Variants in TRPC4AP observed in about 807,000 individuals in gnomAD.
TRPC4AP encodes transient receptor potential cation channel subfamily C member 4 associated protein.
A neutral mutation model predicts 99.0 loss-of-function variants in TRPC4AP; 45 were observed. The ratio of observed to expected loss-of-function variants is 0.45; its 90% CI spans 0.36 to 0.58. The LOEUF (loss-of-function observed/expected upper bound fraction) is 0.58, where lower values mean the gene tolerates loss of function less well. Among genes scored for constraint, TRPC4AP ranks in the 20% least tolerant of loss-of-function variants. The pLI is 0.00. For synonymous variants in TRPC4AP, 408 were observed against 385.8 expected (o/e 1.06, Z -0.67); for missense variants, 879 against 985.3 (o/e 0.89, Z 1.44).
intron 1 of TRPC4AP, among the ~76,000 whole-genome samples, chr20:35,090,394 T>TTTTTTTTG (rs2085022414): frequency 6.8e-6 from 1 of 147,298 alleles, no homozygotes; most frequent in African/African-American, 2.5e-5. Context: ...TTTTTTTTTT[T>TTTTTTTTG]GAGATGAAGT....
chr20:35,034,369 G>A (rs1046900171), intron 8 of TRPC4AP, among the ~76,000 whole-genome samples: 1 of 151,910 alleles, frequency 6.6e-6, no homozygotes, highest in South Asian at 2.1e-4. Context: ...GAGCAAGCTA[G>A]GGCAAAGGTG....
At chr20:35,089,617 A>G (rs1244034764) in intron 1 of TRPC4AP, among the ~76,000 whole-genome samples, 1 of 152,080 alleles carries the variant, frequency 6.6e-6, no homozygotes, top group Non-Finnish European at 1.5e-5. Flanking sequence ...TTGGGAGGAC[A>G]AGGCAGGGGG....
intron 9 of TRPC4AP, among the ~76,000 whole-genome samples, chr20:35,017,295 C>T (rs10485508): frequency 0.081 from 12,253 of 152,140 alleles, 579 homozygotes; most frequent in South Asian, 0.13. Context: ...GAATACAATT[C>T]GCCTTTGTAA....
At chr20:35,039,132 A>G (rs939288010) in intron 7 of TRPC4AP, among the ~76,000 whole-genome samples, 1 of 152,180 alleles carries the variant, frequency 6.6e-6, no homozygotes, top group Non-Finnish European at 1.5e-5. Context: ...TTCTACATGA[A>G]AATCTTCACA....
intron 9 of TRPC4AP, among the ~76,000 whole-genome samples, chr20:35,016,920 G>A (rs558496104): frequency 3.3e-4 from 51 of 152,318 alleles, no homozygotes; most frequent in Middle Eastern, 3.4e-3. Flanking sequence ...GGTGACTTGG[G>A]CATTGGGTAC....
At chr20:35,005,864 G>C in intron 15 of TRPC4AP, 61 bp from the exon 16 acceptor site, 1 of 1,492,340 alleles carries the variant, frequency 6.7e-7, no homozygotes, top group Non-Finnish European at 9.3e-7. Flanking sequence ...GCCATGGCCC[G>C]GGGGGATAGT....
At chr20:35,083,646 T>C (rs111735167) in intron 1 of TRPC4AP, among the ~76,000 whole-genome samples, 1 of 151,344 alleles carries the variant, frequency 6.6e-6, no homozygotes, top group Non-Finnish European at 1.5e-5. Context: ...AACTTCCAAT[T>C]TATACTTCTA....
Position 35,005,719 on chromosome 20 carries a change from A to G in TRPC4AP, c.1912T>C (p.Phe638Leu), listed in dbSNP as rs778852025. 5.0e-6 allele frequency: 8 copies of G among 1,613,984 alleles called. No individual in the cohort carries two copies. Among genetic ancestry groups the G allele is most frequent in the Non-Finnish European group, 6.8e-6 (8 of 1,179,976 alleles). The part of the protein sequence containing the change: ...VRCVTLSLDR[F>L]ENQVDMKVAE... ...CCTTTCATATCCACCTGGTTTTCAA[A>G]TCGGTCCAGGGACAGAGTGACACAG... is the stretch of plus-strand genomic sequence containing the variant. Residue 638 changes from phenylalanine (F) to leucine (L), a missense_variant, in exon 16 of 19, where the codon TTT (phenylalanine) becomes CTT (leucine). Phe to Leu is a conservative substitution (Grantham distance 22). Coordinates refer to ENST00000252015, the MANE Select transcript of TRPC4AP (RefSeq NM_015638.3).
intron 6 of TRPC4AP, among the ~76,000 whole-genome samples, chr20:35,046,716 T>A (rs1215302611): frequency 2.6e-5 from 4 of 152,152 alleles, no homozygotes; most frequent in Admixed American, 2.6e-4. Context: ...TCCTTTTCCC[T>A]AGTACAAAAC....
chr20:35,044,415 A>AAT, intron 7 of TRPC4AP, 90 bp downstream of exon 7: 1 of 1,210,140 alleles, frequency 8.3e-7, no homozygotes, highest in Non-Finnish European at 1.2e-6. Context: ...AAAAAAAAAA[A>AAT]GAAAAGAAAA....
chr20:35,036,584 C>T (rs1054250000), intron 7 of TRPC4AP, among the ~76,000 whole-genome samples: 2 of 152,042 alleles, frequency 1.3e-5, no homozygotes, highest in African/African-American at 4.8e-5. Context: ...TGAAATTATA[C>T]GATGTCTGGG....
chr20:35,084,623 T>C (rs1600668623), intron 1 of TRPC4AP, among the ~76,000 whole-genome samples: 1 of 120,294 alleles, frequency 8.3e-6, no homozygotes, highest in East Asian at 2.3e-4. Context: ...TATGTTTATA[T>C]GCATATATGT....
At chr20:35,071,966 T>C (rs2084329117) in intron 2 of TRPC4AP, among the ~76,000 whole-genome samples, 1 of 152,264 alleles carries the variant, frequency 6.6e-6, no homozygotes, top group Admixed American at 6.5e-5. Context: ...GACTTTTTAA[T>C]AATCGCCATT....
chr20:35,076,645 C>T (rs1025757080), intron 2 of TRPC4AP, among the ~76,000 whole-genome samples: 1 of 152,116 alleles, frequency 6.6e-6, no homozygotes. Context: ...AGAGGGGCAC[C>T]CGGCTGTATG....
At chr20:35,021,455 C>T (rs1286382124) in intron 8 of TRPC4AP, 99 bp from the exon 9 acceptor site, 62 of 1,371,478 alleles carry the variant, frequency 4.5e-5, no homozygotes, top group Non-Finnish European at 6.0e-5. Flanking sequence ...CATGGCCATT[C>T]GGCTGGGCCA....
At chr20:35,018,544 C>T (rs1012866722) in intron 9 of TRPC4AP, among the ~76,000 whole-genome samples, 2 of 142,478 alleles carry the variant, frequency 1.4e-5, no homozygotes, top group Non-Finnish European at 3.0e-5. Flanking sequence ...TGCAGTGAGC[C>T]GAGGTCATGT....
At chr20:35,068,487 G>C (rs574529761) in intron 3 of TRPC4AP, among the ~76,000 whole-genome samples, 1 of 152,204 alleles carries the variant, frequency 6.6e-6, no homozygotes, top group Non-Finnish European at 1.5e-5. Flanking sequence ...AGTCAACTGG[G>C]GCCTGGGTAA....
intron 10 of TRPC4AP, among the ~76,000 whole-genome samples, chr20:35,015,591 G>C (rs2082735824): frequency 6.6e-6 from 1 of 150,786 alleles, no homozygotes; most frequent in Admixed American, 6.7e-5. Flanking sequence ...GCCTCCCGAA[G>C]AGTTGGGATT....
chr20:35,004,306 G>C, intron 17 of TRPC4AP, 152 bp downstream of exon 17: 1 of 677,338 alleles, frequency 1.5e-6, no homozygotes, highest in Non-Finnish European at 2.6e-6. Context: ...CTGTACAATG[G>C]GACACTGATT....
Sources: gnomAD v4.1 joint callset for allele counts (sites outside exome capture counted in the v4.1 genomes callset) on GRCh38, gnomAD v4.1.1 for gene constraint, MANE v1.5 for transcripts, NCBI Gene and HGNC (gene_info 2026-07-23, HGNC 2026-07-21) for gene names.